The following GC variants were observed in gnomAD, a reference collection of about 807,000 sequenced individuals.
The protein encoded by GC is GC vitamin D binding protein, also known as vitamin D-binding protein.
GC carries 43 observed loss-of-function variants against 56.7 expected under a neutral mutation model. That is an observed-to-expected ratio of 0.76 (90% CI 0.59 to 0.98). The LOEUF (loss-of-function observed/expected upper bound fraction) is 0.98, where lower values mean the gene tolerates loss of function less well. Among genes scored for constraint, GC ranks in the 50% least tolerant of loss-of-function variants. The pLI, the probability that GC is intolerant of heterozygous loss-of-function variation, is 0.00. For missense variants in GC, 529 were observed against 545.9 expected, an observed-to-expected ratio of 0.97 and a Z score of 0.31; for synonymous variants, 216 against 202.7, an observed-to-expected ratio of 1.07 and a Z score of -0.56.
intron 3 of GC, among the ~76,000 whole-genome samples, chr4:71,766,191 G>T (rs750699305): frequency 3.3e-5 from 5 of 152,110 alleles, no homozygotes; most frequent in Admixed American, 6.6e-5. Flanking sequence ...TCTTGAACCG[G>T]CTTTTGCATC....
chr4:71,783,816 A>G (rs1742761121), intron 1 of GC, 145 bp downstream of exon 1: 1 of 477,308 alleles, frequency 2.1e-6, no homozygotes, highest in Non-Finnish European at 3.6e-6. Flanking sequence ...TGGAGCTCTG[A>G]TTAATGCCTC....
upstream of GC, among the ~76,000 whole-genome samples, chr4:71,804,478 C>T (rs1422661905): frequency 2.6e-5 from 4 of 152,080 alleles, no homozygotes; most frequent in Non-Finnish European, 5.9e-5. Flanking sequence ...GCATTGCAGC[C>T]TTTATGTTTT....
At chr4:71,766,062 G>A (rs1212374403) in intron 3 of GC, among the ~76,000 whole-genome samples, 2 of 152,120 alleles carry the variant, frequency 1.3e-5, no homozygotes, top group African/African-American at 4.8e-5. Flanking sequence ...ATAAGAGTGA[G>A]GAGGACCTCC....
At position 71,783,916 on chromosome 4, in the gene GC, A is replaced by T. The variant is rs777518995; in HGVS notation, c.58+45T>A. On this transcript the variant is annotated intron_variant, in intron 1 of 12. Transcript: ENST00000273951. ...TTTTTAAGTGATAATATAAAATTAA[A>T]CTAGTAAGAATTCCTGTAAATGGTC... 4.2e-6 allele frequency: 6 copies of T among 1,421,174 alleles called. No homozygotes were observed. The Admixed American group carries it at 8.8e-5, about 21-fold the overall frequency. The allele number at this position is 1,421,174 out of a possible 1,614,324, so 88.0% of individuals were successfully genotyped here.
intron 1 of GC, among the ~76,000 whole-genome samples, chr4:71,782,665 T>C (rs1334239695): frequency 2.0e-5 from 3 of 151,798 alleles, no homozygotes; most frequent in East Asian, 3.9e-4. Context: ...CAGTCTAAGA[T>C]GGTGATTCAT....
chr4:71,746,789 A>AAC (rs1304396970), intron 11 of GC, among the ~76,000 whole-genome samples: 1 of 151,372 alleles, frequency 6.6e-6, no homozygotes, highest in African/African-American at 2.4e-5. Context: ...AAAAAAAAAA[A>AAC]AAAAAACTAC....
chr4:71,742,584 T>G (rs1330670382), intron 12 of GC, among the ~76,000 whole-genome samples: 1 of 152,240 alleles, frequency 6.6e-6, no homozygotes. Context: ...GATTCTACAC[T>G]GTGAGCCAAT....
At chr4:71,786,220 A>G (rs980217141), upstream of GC, among the ~76,000 whole-genome samples, 1 of 151,800 alleles carries the variant, frequency 6.6e-6, no homozygotes, top group African/African-American at 2.4e-5. Context: ...TCGGCAAAAC[A>G]GGCTAGTAGC....
chr4:71,768,504 T>C (rs771729607), intron 2 of GC, 71 bp from the exon 3 acceptor site: 34 of 1,387,798 alleles, frequency 2.4e-5, no homozygotes, highest in Non-Finnish European at 3.4e-5. Context: ...AGTCTCGCTC[T>C]GTTACCCAGG....
intron 6 of GC, among the ~76,000 whole-genome samples, 165 bp downstream of exon 6, chr4:71,763,243 T>G (rs1273458780): frequency 1.3e-5 from 2 of 152,136 alleles, no homozygotes; most frequent in African/African-American, 4.8e-5. Context: ...ATAATCTGTA[T>G]AGAGAAAAGA....
At chr4:71,754,932 C>A in intron 9 of GC, 46 bp downstream of exon 9, 1 of 1,423,090 alleles carries the variant, frequency 7.0e-7, no homozygotes, top group Non-Finnish European at 9.4e-7. Flanking sequence ...TATAATTTTC[C>A]AACCCTTGAT....
At chr4:71,801,585 C>A (rs1743250251) in intron 1 of GC, among the ~76,000 whole-genome samples, 1 of 152,012 alleles carries the variant, frequency 6.6e-6, no homozygotes, top group Non-Finnish European at 1.5e-5. Context: ...CACCTGCTGT[C>A]CAACACATGA....
At chr4:71,764,863 G>A (rs916424984) in intron 4 of GC, among the ~76,000 whole-genome samples, 8 of 151,976 alleles carry the variant, frequency 5.3e-5, no homozygotes, top group South Asian at 4.2e-4. Flanking sequence ...GTTCATTTTT[G>A]TGACCTTCCA....
intron 1 of GC, among the ~76,000 whole-genome samples, chr4:71,779,687 G>A (rs185373633): frequency 6.6e-6 from 1 of 151,868 alleles, no homozygotes; most frequent in African/African-American, 2.4e-5. Flanking sequence ...GATTAAGCTG[G>A]TGGTGTTTTA....
In GC at chr4:71,771,260, T is replaced by C. The variant is rs139403640; in HGVS notation, c.59-1860A>G. 3.9e-5 allele frequency among the ~76,000 whole-genome samples: 6 copies of C among 152,238 alleles called. No homozygotes were observed. The East Asian group carries it at 9.6e-4, about 24-fold the overall frequency. The stretch of plus-strand genomic sequence containing the variant: ...TTTTATGGAAGACAGTGTAAACATA[T>C]GCCTGGGTGGAAATTTCTATTTGAT... On this transcript the variant is annotated intron_variant, in intron 1 of 12. Coordinates refer to ENST00000273951, the MANE Select transcript of GC (RefSeq NM_000583.4).
At chr4:71,781,951 T>C (rs985078203) in intron 1 of GC, among the ~76,000 whole-genome samples, 1 of 151,692 alleles carries the variant, frequency 6.6e-6, no homozygotes, top group Non-Finnish European at 1.5e-5. Context: ...GGTATAGACA[T>C]TGTAGAAAAG....
At chr4:71,800,825 T>G (rs922543339) in intron 1 of GC, among the ~76,000 whole-genome samples, 1 of 152,238 alleles carries the variant, frequency 6.6e-6, no homozygotes, top group African/African-American at 2.4e-5. Flanking sequence ...ATTTCTCTAA[T>G]GATCAGACAC....
intron 1 of GC, among the ~76,000 whole-genome samples, chr4:71,776,406 A>G (rs1231710514): frequency 6.6e-6 from 1 of 151,934 alleles, no homozygotes; most frequent in Non-Finnish European, 1.5e-5. Context: ...TAAGCCAGGT[A>G]CAGAAAGAAA....
intron 6 of GC, among the ~76,000 whole-genome samples, chr4:71,758,566 A>G (rs1201428825): frequency 4.6e-5 from 7 of 152,180 alleles, no homozygotes; most frequent in African/African-American, 1.4e-4. Flanking sequence ...TTTAGAAACT[A>G]TAGAGACCTG....
Sources: allele counts gnomAD v4.1 joint callset (sites outside exome capture counted in the v4.1 genomes callset), GRCh38; gene constraint gnomAD v4.1.1; transcripts MANE v1.5; gene names NCBI Gene and HGNC (gene_info 2026-07-23, HGNC 2026-07-21).